GRIN3A: variants seen among roughly 807,000 people sequenced by gnomAD.
The protein encoded by GRIN3A is glutamate receptor ionotropic, NMDA 3A.
GRIN3A carries 47 observed loss-of-function variants against 92.4 expected under a neutral mutation model. The ratio of observed to expected loss-of-function variants is 0.51; its 90% CI spans 0.40 to 0.65. The LOEUF (loss-of-function observed/expected upper bound fraction) is 0.65. Ranked by LOEUF, GRIN3A falls within the 30% of genes least tolerant of loss-of-function variation. The pLI is 0.00. For synonymous variants in GRIN3A, 527 were observed against 540.6 expected (o/e 0.97, Z 0.35); for missense variants, 1,324 against 1,393.1 (o/e 0.95, Z 0.79).
intron 1 of GRIN3A, among the ~76,000 whole-genome samples, chr9:101,720,970 C>A (rs1338736874): frequency 6.6e-6 from 1 of 152,140 alleles, no homozygotes; most frequent in Non-Finnish European, 1.5e-5. Flanking sequence ...ATGTAACAAA[C>A]CTGCGTGTGT....
chr9:101,639,155 A>G (rs542869025), intron 3 of GRIN3A, among the ~76,000 whole-genome samples: 34 of 152,312 alleles, frequency 2.2e-4, no homozygotes, highest in African/African-American at 6.0e-4. Context: ...CATACTTACA[A>G]GCTGATTCTA....
intron 3 of GRIN3A, among the ~76,000 whole-genome samples, chr9:101,643,034 G>T (rs148553935): frequency 1.3e-5 from 2 of 152,068 alleles, no homozygotes; most frequent in Non-Finnish European, 2.9e-5. Context: ...CACAATAAAT[G>T]TAATGCACTT....
At chr9:101,696,845 T>A (rs1045980605) in intron 1 of GRIN3A, among the ~76,000 whole-genome samples, 3 of 152,156 alleles carry the variant, frequency 2.0e-5, no homozygotes, top group African/African-American at 7.2e-5. Context: ...ACGCTGATTA[T>A]TTTTATTTTA....
chr9:101,729,541 C>T (rs913399365), intron 1 of GRIN3A, among the ~76,000 whole-genome samples: 3 of 152,144 alleles, frequency 2.0e-5, no homozygotes, highest in African/African-American at 7.2e-5. Context: ...CTTCTTCTGC[C>T]TCCTTCTTAT....
rs1313449262 is a variant in GRIN3A at position 101,571,946 on chromosome 9, T to G, written c.*1228A>C. The G allele has an allele frequency of 6.6e-6, 1 of 152,188 alleles. No individual in the cohort carries two copies. The highest frequency in any genetic ancestry group is 2.4e-5 in the African/African-American group (1 of 41,418). The allele number at this position is 152,188 out of a possible 1,614,324, so 9.4% of individuals were successfully genotyped here. ...ATTCCTTTCCCTTGCTGCCTAAACT[T>G]GATATGCTGAGAAAGTGACACCTAA... On this transcript the variant is annotated 3_prime_UTR_variant, in exon 9 of 9. Coordinates refer to ENST00000361820, the MANE Select transcript of GRIN3A (RefSeq NM_133445.3).
At chr9:101,626,970 C>A (rs10819954) in intron 4 of GRIN3A, among the ~76,000 whole-genome samples, 29,483 of 152,144 alleles carry the variant, frequency 0.19, 3,199 homozygotes, top group Non-Finnish European at 0.25. Flanking sequence ...TCCTGAGATA[C>A]GTGAATGCCC....
chr9:101,640,113 C>T (rs913769305), intron 3 of GRIN3A, among the ~76,000 whole-genome samples: 10 of 152,168 alleles, frequency 6.6e-5, no homozygotes, highest in Admixed American at 1.3e-4. Context: ...CCCTTCTCCC[C>T]CGCCTCCTTC....
intron 2 of GRIN3A, among the ~76,000 whole-genome samples, chr9:101,679,993 A>G (rs1458507461): frequency 6.6e-6 from 1 of 152,224 alleles, no homozygotes; most frequent in East Asian, 1.9e-4. Flanking sequence ...TAGGATCCCA[A>G]TTAAGGAAGG....
chr9:101,709,627 C>T (rs1002889247), intron 1 of GRIN3A, among the ~76,000 whole-genome samples: 9 of 152,170 alleles, frequency 5.9e-5, no homozygotes, highest in East Asian at 1.9e-4. Context: ...AATTACCCAA[C>T]GCTCAGTTTG....
intron 1 of GRIN3A, among the ~76,000 whole-genome samples, chr9:101,715,145 A>C (rs891016720): frequency 2.0e-5 from 3 of 151,928 alleles, no homozygotes; most frequent in South Asian, 4.2e-4. Flanking sequence ...ATGATAAGGA[A>C]ATAAGAGCCT....
intron 1 of GRIN3A, among the ~76,000 whole-genome samples, chr9:101,709,144 G>A (rs1172155308): frequency 1.3e-5 from 2 of 151,750 alleles, no homozygotes; most frequent in South Asian, 2.1e-4. Flanking sequence ...AGGAAGATGA[G>A]ATGCTTACCC....
At chr9:101,643,348 A>G (rs1828891736) in intron 3 of GRIN3A, among the ~76,000 whole-genome samples, 1 of 152,146 alleles carries the variant, frequency 6.6e-6, no homozygotes, top group Non-Finnish European at 1.5e-5. Context: ...AACCACAATG[A>G]GTTATCACTG....
chr9:101,612,422 A>G (rs1416492622), intron 6 of GRIN3A, among the ~76,000 whole-genome samples: 2 of 152,210 alleles, frequency 1.3e-5, no homozygotes, highest in East Asian at 3.9e-4. Flanking sequence ...ATCAAGGTTC[A>G]GCTTTTGACA....
At chr9:101,701,872 C>T (rs1025503782) in intron 1 of GRIN3A, among the ~76,000 whole-genome samples, 4 of 152,184 alleles carry the variant, frequency 2.6e-5, no homozygotes, top group African/African-American at 9.6e-5. Context: ...GAATCTGTAT[C>T]AGCAGTCTCT....
At chr9:101,604,344 G>A (rs1828249541) in intron 6 of GRIN3A, among the ~76,000 whole-genome samples, 1 of 152,192 alleles carries the variant, frequency 6.6e-6, no homozygotes, top group Non-Finnish European at 1.5e-5. Context: ...GTCTTTCTCA[G>A]ACTGGCTTCC....
rs1243260795 is a variant in GRIN3A, at chr9:101,737,801, G to A, written c.179C>T (p.Thr60Ile). The A allele has an allele frequency of 1.3e-6, 2 of 1,530,638 alleles. No individual in the cohort carries two copies. Among genetic ancestry groups the A allele is most frequent in the Admixed American group, 3.9e-5 (2 of 50,740 alleles). 94.8% of individuals were successfully genotyped at this position (1,530,638 alleles called of 1,614,324 possible). A position where few individuals can be genotyped will look rare whatever the true frequency, so the allele number is the denominator to read the frequency against. The change falls in exon 1 of 9, where the codon ACC becomes ATC. Residue 60 changes from threonine (T) to isoleucine (I), a missense_variant. Coordinates refer to ENST00000361820, the MANE Select transcript of GRIN3A (RefSeq NM_133445.3). The part of the protein sequence containing the change: ...VGAVHLQPWT[T>I]APRAASRAPD... The stretch of plus-strand genomic sequence containing the variant: ...AGCGCGGCTGGCCGCGCGGGGGGCG[G>A]TGGTCCAGGGCTGCAAGTGCACCGC...
intron 3 of GRIN3A, among the ~76,000 whole-genome samples, chr9:101,669,273 C>T (rs1159830132): frequency 6.6e-6 from 1 of 152,046 alleles, no homozygotes; most frequent in Non-Finnish European, 1.5e-5. Flanking sequence ...CTTAGAGGGG[C>T]CCTGGTTCAA....
intron 2 of GRIN3A, among the ~76,000 whole-genome samples, chr9:101,675,926 A>G (rs993243710): frequency 6.6e-6 from 1 of 152,010 alleles, no homozygotes; most frequent in African/African-American, 2.4e-5. Flanking sequence ...AATTTGCTAA[A>G]GTTAAATAAA....
rs1827759113 is a variant in GRIN3A at position 101,571,442 on chromosome 9, T to C, written c.*1732A>G. Reference sequence around the variant, plus strand: ...AGACACCTTTCCAGTGATCTCCAGCTGTAAAAGAGGAAAGTGCTTGGCACA... The same window carrying C: ...AGACACCTTTCCAGTGATCTCCAGCCGTAAAAGAGGAAAGTGCTTGGCACA... On this transcript the variant is annotated 3_prime_UTR_variant, in exon 9 of 9. Coordinates refer to ENST00000361820, the MANE Select transcript of GRIN3A (RefSeq NM_133445.3). 1 of 152,200 alleles carries C rather than the reference T, an allele frequency of 6.6e-6. No homozygotes were observed. The highest frequency in any genetic ancestry group is 6.5e-5 in the Admixed American group (1 of 15,282). The allele number at this position is 152,200 out of a possible 1,614,324, so 9.4% of individuals were successfully genotyped here.
Sources: gnomAD v4.1 joint callset for allele counts (sites outside exome capture counted in the v4.1 genomes callset) on GRCh38, gnomAD v4.1.1 for gene constraint, MANE v1.5 for transcripts, NCBI Gene and HGNC (gene_info 2026-07-23, HGNC 2026-07-21) for gene names.